RNF169: variants seen among roughly 807,000 people sequenced by gnomAD.
RNF169 encodes ring finger protein 169.
A neutral mutation model predicts 53.9 loss-of-function variants in RNF169; 24 were observed. The observed-to-expected ratio is 0.45, with a 90% CI of 0.32 to 0.63. RNF169 has a LOEUF of 0.63. Among genes scored for constraint, RNF169 ranks in the 20% least tolerant of loss-of-function variants. The pLI is 0.04. For synonymous variants in RNF169, 396 were observed against 363.5 expected (o/e 1.09, Z -1.02); for missense variants, 883 against 906.2 (o/e 0.97, Z 0.33).
At chr11:74,829,717 A>G (rs556187804) in intron 4 of RNF169, among the ~76,000 whole-genome samples, 2 of 152,326 alleles carry the variant, frequency 1.3e-5, no homozygotes, top group Admixed American at 6.5e-5. Context: ...GCTGGAAGCC[A>G]TCATTCTCAG....
At chr11:74,774,589 T>TAATA (rs941968751) in intron 1 of RNF169, among the ~76,000 whole-genome samples, 1 of 152,124 alleles carries the variant, frequency 6.6e-6, no homozygotes, top group African/African-American at 2.4e-5. Context: ...GTGACTTTAT[T>TAATA]AAGAGCAGTT....
intron 3 of RNF169, among the ~76,000 whole-genome samples, chr11:74,811,654 T>C (rs115761996): frequency 6.6e-6 from 1 of 152,186 alleles, no homozygotes; most frequent in African/African-American, 2.4e-5. Context: ...CTAGTTATAA[T>C]AATAATTATT....
rs760570105 is a variant in RNF169 at position 74,815,668 on chromosome 11, TGTTA to T, written c.724-1923_724-1920del. ...TCTATCTTTTTGAGCACTTATTACTTGTTAGTTAATGTACGCTAGGTATTTTTAA... is the reference window on the plus strand; with the variant it reads ...TCTATCTTTTTGAGCACTTATTACTTGTTAATGTACGCTAGGTATTTTTAA... On this transcript the variant is annotated intron_variant, in intron 3 of 5. Coordinates refer to ENST00000299563, the MANE Select transcript of RNF169 (RefSeq NM_001098638.2). Among the ~76,000 whole-genome samples, 10 of 152,354 alleles carry T rather than the reference TGTTA, an allele frequency of 6.6e-5. No individual in the cohort carries two copies. The East Asian group carries it at 1.3e-3, about 21-fold the overall frequency.
chr11:74,806,717 T>C (rs58918874), intron 2 of RNF169, among the ~76,000 whole-genome samples: 2,856 of 152,278 alleles, frequency 0.019, 90 homozygotes, highest in African/African-American at 0.064. Context: ...ACTTCACTTA[T>C]ATAAAATTCA....
chr11:74,774,664 A>G (rs2035307338), intron 1 of RNF169, among the ~76,000 whole-genome samples: 1 of 152,038 alleles, frequency 6.6e-6, no homozygotes, highest in South Asian at 2.1e-4. Context: ...ATTAGAAATG[A>G]GAAAGCAAGG....
chr11:74,782,804 T>C (rs2035435133), intron 1 of RNF169, among the ~76,000 whole-genome samples: 1 of 152,114 alleles, frequency 6.6e-6, no homozygotes, highest in Non-Finnish European at 1.5e-5. Flanking sequence ...CAAACAGCAG[T>C]TTACAAGCTT....
At chr11:74,800,918 A>C (rs1003873250) in intron 2 of RNF169, among the ~76,000 whole-genome samples, 1 of 152,224 alleles carries the variant, frequency 6.6e-6, no homozygotes, top group South Asian at 2.1e-4. Flanking sequence ...TTCAATTTAT[A>C]TGTAAACTTG....
At chr11:74,785,276 G>GATATATATATGTTATATATATTAGATAT (rs2035483026) in intron 1 of RNF169, among the ~76,000 whole-genome samples, 2 of 135,568 alleles carry the variant, frequency 1.5e-5, no homozygotes, top group Non-Finnish European at 1.5e-5. Context: ...ATATATATTA[G>GATATATATATGTTATATATATTAGATAT]ATATATATAT....
In RNF169 at chr11:74,821,606, C is replaced by T. The variant is rs1419604472; in HGVS notation, c.842+3892C>T. Among the ~76,000 whole-genome samples the T allele has an allele frequency of 1.9e-4, 12 of 63,964 alleles. 1 individual carries two copies. Among genetic ancestry groups the T allele is most frequent in the Admixed American group, 7.2e-4 (5 of 6,960 alleles). 42.0% of individuals were successfully genotyped at this position (63,964 alleles called of 152,430 possible). A position where few individuals can be genotyped will look rare whatever the true frequency, so the allele number is the denominator to read the frequency against. Reference sequence around the variant, plus strand: ...CCGGGAGGCGGAGCTTGCAGTGAGCCGAGATCCCGCCACTGCACTCCAGCC... The same window carrying T: ...CCGGGAGGCGGAGCTTGCAGTGAGCTGAGATCCCGCCACTGCACTCCAGCC... On this transcript the variant is annotated intron_variant, in intron 4 of 5. Coordinates refer to ENST00000299563, the MANE Select transcript of RNF169 (RefSeq NM_001098638.2).
At chr11:74,800,621 T>G (rs1176715167) in intron 2 of RNF169, among the ~76,000 whole-genome samples, 2 of 152,236 alleles carry the variant, frequency 1.3e-5, no homozygotes, top group East Asian at 3.8e-4. Flanking sequence ...GTATTTGGAA[T>G]TCTAAAAAAT....
At chr11:74,794,204 A>G (rs181593928) in intron 2 of RNF169, among the ~76,000 whole-genome samples, 38 of 152,218 alleles carry the variant, frequency 2.5e-4, no homozygotes, top group African/African-American at 8.4e-4. Context: ...CTCCTGGGAC[A>G]ACAATGGCAA....
chr11:74,766,238 A>C (rs1159369130), intron 1 of RNF169, among the ~76,000 whole-genome samples: 1 of 152,220 alleles, frequency 6.6e-6, no homozygotes, highest in Non-Finnish European at 1.5e-5. Flanking sequence ...GCAAAGAGTA[A>C]AATCTCCCCA....
chr11:74,794,202 A>G (rs1161177400), intron 2 of RNF169, among the ~76,000 whole-genome samples: 1 of 152,210 alleles, frequency 6.6e-6, no homozygotes, highest in Non-Finnish European at 1.5e-5. Context: ...GTCTCCTGGG[A>G]CAACAATGGC....
chr11:74,782,894 C>A (rs1016235919), intron 1 of RNF169, among the ~76,000 whole-genome samples: 5 of 148,230 alleles, frequency 3.4e-5, no homozygotes, highest in African/African-American at 1.2e-4. Flanking sequence ...TGAGGAAATT[C>A]ATGTGCAAAG....
At chr11:74,813,375 T>A (rs1163982910) in intron 3 of RNF169, among the ~76,000 whole-genome samples, 1 of 152,234 alleles carries the variant, frequency 6.6e-6, no homozygotes, top group African/African-American at 2.4e-5. Flanking sequence ...GTTATTTTTT[T>A]AGAATAGAAA....
intron 2 of RNF169, among the ~76,000 whole-genome samples, chr11:74,790,168 G>C (rs1006997257): frequency 1.3e-5 from 2 of 152,084 alleles, no homozygotes; most frequent in Non-Finnish European, 2.9e-5. Flanking sequence ...AATTACCATT[G>C]GGAAAGCTTT....
At chr11:74,756,789 T>TAATA (rs2034990511) in intron 1 of RNF169, among the ~76,000 whole-genome samples, 1 of 152,134 alleles carries the variant, frequency 6.6e-6, no homozygotes, top group Non-Finnish European at 1.5e-5. Context: ...AGTTGCTGAA[T>TAATA]AATAGTGGAC....
chr11:74,834,111 A>T (rs560885353), intron 4 of RNF169, among the ~76,000 whole-genome samples: 1 of 152,214 alleles, frequency 6.6e-6, no homozygotes, highest in Non-Finnish European at 1.5e-5. Flanking sequence ...TATAAACTCA[A>T]TGTCATAAAG....
Position 74,765,864 on chromosome 11 carries a change from G to C in RNF169, c.502+16482G>C, listed in dbSNP as rs145234437. Among the ~76,000 whole-genome samples, 600 of 148,366 alleles carry C rather than the reference G, an allele frequency of 4.0e-3. 3 individuals are homozygous for C. Among genetic ancestry groups the C allele is most frequent in the Admixed American group, 9.0e-3 (134 of 14,950 alleles). On this transcript the variant is annotated intron_variant, in intron 1 of 5. Transcript: ENST00000299563. ...ACCCAAAACCAAGTGGTCAACTGAA[G>C]AAGTTAAAAAAAGTAACAGCAGATT...
Sources: gnomAD v4.1 joint callset for allele counts (sites outside exome capture counted in the v4.1 genomes callset) on GRCh38, gnomAD v4.1.1 for gene constraint, MANE v1.5 for transcripts, NCBI Gene and HGNC (gene_info 2026-07-23, HGNC 2026-07-21) for gene names.